Variants in GFOD1 observed in about 807,000 individuals in gnomAD.
The protein encoded by GFOD1 is Gfo/Idh/MocA-like oxidoreductase domain containing 1.
GFOD1 carries 9 observed loss-of-function variants against 25.4 expected under a neutral mutation model. The observed-to-expected ratio is 0.35, with a 90% CI of 0.21 to 0.62. The LOEUF (loss-of-function observed/expected upper bound fraction) is 0.62. Ranked by LOEUF, GFOD1 falls within the 20% of genes least tolerant of loss-of-function variation. The pLI, the probability that GFOD1 is intolerant of heterozygous loss-of-function variation, is 0.72. For missense variants in GFOD1, 403 were observed against 556.9 expected (o/e 0.72, Z 2.78); for synonymous variants, 253 against 245.6 (o/e 1.03, Z -0.28).
intron 1 of GFOD1, chr6:13,471,927 G>C (rs756170238): frequency 6.5e-6 from 1 of 153,164 alleles, no homozygotes; most frequent in Non-Finnish European, 1.5e-5. Flanking sequence ...TTTTCAAGCT[G>C]CTGATAAAGA....
At chr6:13,423,660 C>T (rs1584643151) in intron 1 of GFOD1, among the ~76,000 whole-genome samples, 2 of 152,286 alleles carry the variant, frequency 1.3e-5, no homozygotes, top group East Asian at 1.9e-4. Flanking sequence ...CAAGGGCATT[C>T]AGTGAGTCGG....
chr6:13,454,954 T>G (rs1758162641), intron 1 of GFOD1, among the ~76,000 whole-genome samples: 1 of 152,188 alleles, frequency 6.6e-6, no homozygotes, highest in African/African-American at 2.4e-5. Context: ...TTTCTGGTTG[T>G]CTTGATATCA....
At chr6:13,479,195 A>C (rs1758694895) in intron 1 of GFOD1, among the ~76,000 whole-genome samples, 1 of 152,234 alleles carries the variant, frequency 6.6e-6, no homozygotes, top group Admixed American at 6.5e-5. Flanking sequence ...TCACTTAAAA[A>C]TTTTTAAAAA....
chr6:13,416,928 C>CA (rs1786172691), intron 1 of GFOD1, among the ~76,000 whole-genome samples: 1 of 152,188 alleles, frequency 6.6e-6, no homozygotes, highest in Non-Finnish European at 1.5e-5. Context: ...GCTTTGCTGA[C>CA]AGAGTGAAGA....
chr6:13,410,652 AAG>A (rs1472970391), intron 1 of GFOD1, among the ~76,000 whole-genome samples: 3 of 150,548 alleles, frequency 2.0e-5, no homozygotes, highest in African/African-American at 7.4e-5. Flanking sequence ...GGAGGAAAGG[AAG>A]AGAGGAAGAA....
intron 1 of GFOD1, among the ~76,000 whole-genome samples, chr6:13,408,441 G>A (rs754970184): frequency 2.6e-5 from 4 of 152,166 alleles, no homozygotes; most frequent in Non-Finnish European, 5.9e-5. Context: ...CTTTTCTACT[G>A]ATGGCTGCTT....
At chr6:13,484,917 G>A (rs1237491587) in intron 1 of GFOD1, among the ~76,000 whole-genome samples, 5 of 152,172 alleles carry the variant, frequency 3.3e-5, no homozygotes, top group Admixed American at 2.6e-4. Context: ...TCCAGTATAC[G>A]CAGGGCTCAT....
Position 13,469,979 on chromosome 6 carries a change from G to C in GFOD1, c.253+16659C>G, listed in dbSNP as rs1426668988. On this transcript the variant is annotated intron_variant, in intron 1 of 1. Coordinates refer to ENST00000379287, the MANE Select transcript of GFOD1 (RefSeq NM_018988.4). ...TCTGGATAGATGATGAGTTCTCTCA[G>C]AGCACATGCCATATCTTATATGCCT... The C allele has an allele frequency of 4.6e-6, 6 of 1,311,682 alleles. No homozygotes were observed. In the Admixed American group the frequency reaches 1.4e-4, roughly 30 times the overall value. The allele number at this position is 1,311,682 out of a possible 1,614,324, so 81.3% of individuals were successfully genotyped here.
intron 1 of GFOD1, chr6:13,486,111 A>G: frequency 3.0e-6 from 3 of 986,774 alleles, no homozygotes; most frequent in Non-Finnish European, 3.6e-6. Flanking sequence ...GCAGGGCGCC[A>G]CCGCTGCTGA....
At chr6:13,420,660 C>T (rs779530591) in intron 1 of GFOD1, among the ~76,000 whole-genome samples, 2 of 152,174 alleles carry the variant, frequency 1.3e-5, no homozygotes, top group Non-Finnish European at 2.9e-5. Context: ...GTCTTTTTTC[C>T]TAAGTCTCTA....
intron 1 of GFOD1, among the ~76,000 whole-genome samples, chr6:13,409,938 AAAGAAAG>A (rs1786042757): frequency 2.8e-5 from 1 of 35,938 alleles, no homozygotes; most frequent in African/African-American, 3.9e-5. Context: ...AAAAAAAAAA[AAAGAAAG>A]AAAGAAACTG....
At chr6:13,368,829 G>C (rs374118236) in intron 1 of GFOD1, among the ~76,000 whole-genome samples, 2 of 152,152 alleles carry the variant, frequency 1.3e-5, no homozygotes, top group African/African-American at 4.8e-5. Flanking sequence ...CATAGATAAA[G>C]AGATTTTGAT....
chr6:13,372,516 A>G (rs537140367), intron 1 of GFOD1, among the ~76,000 whole-genome samples: 9 of 152,268 alleles, frequency 5.9e-5, no homozygotes, highest in African/African-American at 2.2e-4. Flanking sequence ...CTCTGCTCCT[A>G]TCTCAGGACA....
At chr6:13,460,815 A>G (rs1018625165) in intron 1 of GFOD1, among the ~76,000 whole-genome samples, 1 of 152,226 alleles carries the variant, frequency 6.6e-6, no homozygotes, top group Non-Finnish European at 1.5e-5. Context: ...CATGTCCTGC[A>G]TACGTATTCC....
At chr6:13,461,853 T>C (rs1758295380) in intron 1 of GFOD1, among the ~76,000 whole-genome samples, 1 of 152,128 alleles carries the variant, frequency 6.6e-6, no homozygotes, top group Non-Finnish European at 1.5e-5. Flanking sequence ...TTCCCACCTC[T>C]CAGAGTGATG....
chr6:13,385,989 A>T (rs138008583), intron 1 of GFOD1, among the ~76,000 whole-genome samples: 13 of 151,552 alleles, frequency 8.6e-5, no homozygotes, highest in African/African-American at 1.5e-4. Flanking sequence ...CTCAATCACC[A>T]GCTTATAAGA....
At position 13,447,938 on chromosome 6, in the gene GFOD1, T is replaced by A. The variant is rs916749359; in HGVS notation, c.253+38700A>T. Among the ~76,000 whole-genome samples the A allele has an allele frequency of 4.0e-5, 6 of 151,764 alleles. No homozygotes were observed. In the South Asian group the frequency reaches 1.2e-3, roughly 32 times the overall value. ...TATCCTGAGGGTGAAATGGAGTCAC[T>A]GGAAGCATTGGGCATTACTGGCCAC... On this transcript the variant is annotated intron_variant, in intron 1 of 1. Coordinates refer to ENST00000379287, the MANE Select transcript of GFOD1 (RefSeq NM_018988.4).
At chr6:13,434,041 C>T (rs1189538363) in intron 1 of GFOD1, among the ~76,000 whole-genome samples, 1 of 152,250 alleles carries the variant, frequency 6.6e-6, no homozygotes, top group Non-Finnish European at 1.5e-5. Context: ...ATCAGAGTCA[C>T]AGCCAGTGTT....
At chr6:13,414,558 G>A (rs1786133296) in intron 1 of GFOD1, among the ~76,000 whole-genome samples, 1 of 152,184 alleles carries the variant, frequency 6.6e-6, no homozygotes, top group Non-Finnish European at 1.5e-5. Flanking sequence ...TCAATTCCTG[G>A]CATGGCCACC....
Sources: allele counts gnomAD v4.1 joint callset (sites outside exome capture counted in the v4.1 genomes callset), GRCh38; gene constraint gnomAD v4.1.1; transcripts MANE v1.5; gene names NCBI Gene and HGNC (gene_info 2026-07-23, HGNC 2026-07-21).